GRM8: variants seen among roughly 807,000 people sequenced by gnomAD.
GRM8 encodes the protein metabotropic glutamate receptor 8.
A neutral mutation model predicts 87.2 loss-of-function variants in GRM8; 47 were observed. That is an observed-to-expected ratio of 0.54 (90% CI 0.43 to 0.69). The LOEUF (loss-of-function observed/expected upper bound fraction) is 0.69, where lower values mean the gene tolerates loss of function less well. GRM8 is among the 30% of genes least tolerant of loss of function. GRM8 has a pLI of 0.00. For synonymous variants in GRM8, 396 were observed against 404.5 expected (o/e 0.98, Z 0.25); for missense variants, 1,019 against 1,139.2 (o/e 0.89, Z 1.52).
At chr7:127,130,150 C>T (rs1218377068) in intron 2 of GRM8, among the ~76,000 whole-genome samples, 2 of 152,158 alleles carry the variant, frequency 1.3e-5, no homozygotes, top group East Asian at 3.9e-4. Flanking sequence ...CTGTAAGTTT[C>T]CTGAGGTCTC....
chr7:127,004,304 A>G (rs922843530), intron 3 of GRM8, among the ~76,000 whole-genome samples: 1 of 151,754 alleles, frequency 6.6e-6, no homozygotes, highest in Non-Finnish European at 1.5e-5. Context: ...GAGTGGCAAA[A>G]GAATATCATT....
chr7:126,998,984 A>G (rs1813451442), intron 3 of GRM8, among the ~76,000 whole-genome samples: 1 of 151,986 alleles, frequency 6.6e-6, no homozygotes, highest in Non-Finnish European at 1.5e-5. Context: ...AACTGGAGAA[A>G]CCACATTACC....
At chr7:127,068,262 T>C (rs1821334274) in intron 3 of GRM8, among the ~76,000 whole-genome samples, 1 of 152,198 alleles carries the variant, frequency 6.6e-6, no homozygotes, top group South Asian at 2.1e-4. Context: ...GTAGCCAGCA[T>C]TCCAAATTCA....
At chr7:127,221,602 G>A (rs10275104) in intron 2 of GRM8, among the ~76,000 whole-genome samples, 3 of 152,106 alleles carry the variant, frequency 2.0e-5, no homozygotes, top group African/African-American at 7.2e-5. Context: ...CTCAGAATGG[G>A]CCTCACCTGA....
At chr7:126,473,318 C>A (rs181495406) in intron 9 of GRM8, among the ~76,000 whole-genome samples, 1 of 152,334 alleles carries the variant, frequency 6.6e-6, no homozygotes, top group Non-Finnish European at 1.5e-5. Flanking sequence ...CTTGCATCAG[C>A]ATGACCTGGA....
intron 7 of GRM8, among the ~76,000 whole-genome samples, chr7:126,674,569 G>A (rs1372288675): frequency 6.6e-6 from 1 of 151,986 alleles, no homozygotes. Flanking sequence ...GCAGGTCTTG[G>A]CATTCAAGAA....
intron 7 of GRM8, among the ~76,000 whole-genome samples, chr7:126,750,255 C>CT (rs1471152897): frequency 6.6e-6 from 1 of 151,942 alleles, no homozygotes; most frequent in Non-Finnish European, 1.5e-5. Flanking sequence ...TTCATATTAC[C>CT]TTTTTTAAAT....
chr7:126,528,647 T>C (rs1814308769), intron 9 of GRM8, among the ~76,000 whole-genome samples: 1 of 149,486 alleles, frequency 6.7e-6, no homozygotes. Flanking sequence ...TGTGTGTGTG[T>C]TTGTATTTAT....
chr7:127,188,570 ATTATTTTG>A (rs1794857501), intron 2 of GRM8, among the ~76,000 whole-genome samples: 1 of 152,176 alleles, frequency 6.6e-6, no homozygotes, highest in Non-Finnish European at 1.5e-5. Flanking sequence ...TCTGTGCTTT[ATTATTTTG>A]TACATAAGAT....
intron 9 of GRM8, among the ~76,000 whole-genome samples, chr7:126,488,337 T>G (rs1465206967): frequency 2.6e-5 from 4 of 151,352 alleles, no homozygotes; most frequent in Admixed American, 2.6e-4. Context: ...AGACAAATGA[T>G]GGTTTAGTAT....
At chr7:126,706,204 T>A (rs893994326) in intron 7 of GRM8, among the ~76,000 whole-genome samples, 9 of 152,146 alleles carry the variant, frequency 5.9e-5, no homozygotes, top group African/African-American at 2.2e-4. Flanking sequence ...GGTGTTTTAA[T>A]CAGGGGTCTC....
At chr7:126,704,324 C>T (rs1810255969) in intron 7 of GRM8, among the ~76,000 whole-genome samples, 1 of 152,148 alleles carries the variant, frequency 6.6e-6, no homozygotes, top group Admixed American at 6.5e-5. Context: ...CCTGTCTTTA[C>T]TTTAATCTCT....
intron 9 of GRM8, among the ~76,000 whole-genome samples, chr7:126,514,827 T>A (rs1408098284): frequency 6.6e-6 from 1 of 152,090 alleles, no homozygotes; most frequent in African/African-American, 2.4e-5. Context: ...GAGGGGTTAA[T>A]ATTTCTGTAT....
At chr7:126,753,899 T>A (rs2151551170) in intron 7 of GRM8, among the ~76,000 whole-genome samples, 1 of 152,052 alleles carries the variant, frequency 6.6e-6, no homozygotes, top group African/African-American at 2.4e-5. Context: ...AATGCATCAA[T>A]CTTTATGTAT....
At chr7:126,635,493 T>G (rs1392968495) in intron 7 of GRM8, among the ~76,000 whole-genome samples, 1 of 152,170 alleles carries the variant, frequency 6.6e-6, no homozygotes. Context: ...CCTAACTTTA[T>G]AGAGTTTTAA....
chr7:126,533,852 A>C lies in GRM8; in HGVS notation c.1530T>G (p.Thr510=), dbSNP rs961513412. The C allele has an allele frequency of 6.2e-7, 1 of 1,613,984 alleles. No individual in the cohort carries two copies. Among genetic ancestry groups the C allele is most frequent in the Non-Finnish European group, 8.5e-7 (1 of 1,179,904 alleles). ...EDMQWAHREH[T]HPASVCSLPC... ...GCAGGCTGCAGACAGACGCCGGGTG[A>C]GTATGTTCTCTATGAGCCCACTGCA... is the stretch of plus-strand genomic sequence containing the variant. Residue 510 remains threonine, a synonymous_variant, in exon 9 of 11, where the codon ACT becomes ACG. Transcript: ENST00000339582.
intron 6 of GRM8, among the ~76,000 whole-genome samples, chr7:126,801,062 CAA>C (rs1309407539): frequency 6.6e-6 from 1 of 151,794 alleles, no homozygotes; most frequent in Non-Finnish European, 1.5e-5. Context: ...ATAGGATATT[CAA>C]AAAAGAGGAA....
intron 2 of GRM8, among the ~76,000 whole-genome samples, chr7:127,230,409 A>G (rs1219515085): frequency 1.3e-5 from 2 of 152,090 alleles, no homozygotes; most frequent in East Asian, 3.9e-4. Context: ...GCATCAGGTA[A>G]AAGTTCACAG....
chr7:126,620,102 C>A (rs189391172), intron 7 of GRM8, among the ~76,000 whole-genome samples: 84 of 152,284 alleles, frequency 5.5e-4, no homozygotes, highest in African/African-American at 1.9e-3. Context: ...CCAGCCTGGG[C>A]AACACAGTGA....
Sources: gnomAD v4.1 joint callset for allele counts (sites outside exome capture counted in the v4.1 genomes callset) on GRCh38, gnomAD v4.1.1 for gene constraint, MANE v1.5 for transcripts, NCBI Gene and HGNC (gene_info 2026-07-23, HGNC 2026-07-21) for gene names.